TMPRSS11F: variants seen among roughly 807,000 people sequenced by gnomAD.
The protein encoded by TMPRSS11F is transmembrane serine protease 11F, also known as transmembrane protease serine 11F.
In TMPRSS11F, 47 loss-of-function variants were observed where a neutral mutation model predicts 60.2. The ratio of observed to expected loss-of-function variants is 0.78; its 90% CI spans 0.62 to 1.00. The LOEUF (loss-of-function observed/expected upper bound fraction) is 1.00. TMPRSS11F is among the 50% of genes least tolerant of loss of function. The probability of loss-of-function intolerance (pLI) is 0.00; values close to 1 mark genes in which losing one functional copy is unlikely to be tolerated. For synonymous variants in TMPRSS11F, 166 were observed against 167.3 expected, an observed-to-expected ratio of 0.99 and a Z score of 0.06; for missense variants, 519 against 522.9, an observed-to-expected ratio of 0.99 and a Z score of 0.07.
intron 1 of TMPRSS11F, among the ~76,000 whole-genome samples, chr4:68,099,630 G>A (rs1724148070): frequency 6.6e-6 from 1 of 151,922 alleles, no homozygotes; most frequent in Non-Finnish European, 1.5e-5. Flanking sequence ...TTACTTTATT[G>A]TCTAAATTCT....
At chr4:68,101,894 T>A (rs1259633248) in intron 1 of TMPRSS11F, among the ~76,000 whole-genome samples, 1 of 152,098 alleles carries the variant, frequency 6.6e-6, no homozygotes, top group Non-Finnish European at 1.5e-5. Flanking sequence ...AGAATACAAT[T>A]TTATTACCTA....
chr4:68,090,011 C>T (rs1723891003), intron 3 of TMPRSS11F, among the ~76,000 whole-genome samples: 1 of 152,050 alleles, frequency 6.6e-6, no homozygotes. Flanking sequence ...GGAGATGGCT[C>T]ACCCAATATA....
chr4:68,097,642 T>G (rs74769144), intron 2 of TMPRSS11F, among the ~76,000 whole-genome samples: 1 of 152,178 alleles, frequency 6.6e-6, no homozygotes, highest in Admixed American at 6.6e-5. Flanking sequence ...ATTCAGCCTA[T>G]GACAACCTCT....
At chr4:68,122,583 A>G (rs376435792) in intron 1 of TMPRSS11F, among the ~76,000 whole-genome samples, 3 of 152,330 alleles carry the variant, frequency 2.0e-5, no homozygotes, top group South Asian at 4.1e-4. Flanking sequence ...TGCAATTCTA[A>G]TAGGTAGATT....
intron 5 of TMPRSS11F, among the ~76,000 whole-genome samples, chr4:68,070,479 C>A (rs1193289695): frequency 6.6e-6 from 1 of 152,124 alleles, no homozygotes; most frequent in Non-Finnish European, 1.5e-5. Context: ...AATTTCAAGG[C>A]CCTGATCTAA....
At position 68,064,908 on chromosome 4, in the gene TMPRSS11F, A is replaced by C. The variant is rs1356830253; in HGVS notation, c.792T>G (p.Gly264=). 1 of 1,613,946 alleles carries C rather than the reference A, an allele frequency of 6.2e-7. No homozygotes were observed. The highest frequency in any genetic ancestry group is 1.1e-5 in the South Asian group (1 of 91,038). The part of the protein sequence containing the change: ...KDPTQWIATF[G]ATITPPAVKR... ...TCACTGCGGGTGGTGTTATAGTTGCACCAAAAGTAGCAATCCATTGAGTTG... is the reference window on the plus strand; with the variant it reads ...TCACTGCGGGTGGTGTTATAGTTGCCCCAAAAGTAGCAATCCATTGAGTTG... The change falls in exon 8 of 10, where the codon GGT becomes GGG. Residue 264 remains glycine, a synonymous_variant. Coordinates refer to ENST00000356291, the MANE Select transcript of TMPRSS11F (RefSeq NM_207407.2).
intron 1 of TMPRSS11F, among the ~76,000 whole-genome samples, chr4:68,115,993 CCT>C (rs1341928869): frequency 1.3e-5 from 2 of 151,904 alleles, no homozygotes; most frequent in African/African-American, 4.8e-5. Flanking sequence ...AAATGTGAGT[CCT>C]TCAGCTTTTT....
chr4:68,060,304 G>A (rs1723135321), intron 8 of TMPRSS11F, among the ~76,000 whole-genome samples: 1 of 149,704 alleles, frequency 6.7e-6, no homozygotes, highest in African/African-American at 2.5e-5. Context: ...TCAGGAGATC[G>A]AGACCATCCT....
Position 68,114,690 on chromosome 4 carries a change from C to T in TMPRSS11F, c.11+15120G>A, listed in dbSNP as rs188827393. Among the ~76,000 whole-genome samples the T allele has an allele frequency of 9.5e-4, 143 of 150,066 alleles. 1 individual carries two copies. The highest frequency in any genetic ancestry group is 3.3e-3 in the African/African-American group (135 of 40,878). On this transcript the variant is annotated intron_variant, in intron 1 of 9. Transcript: ENST00000356291. ...AACCAAAGACATTATTTTTAAAAAT[C>T]GGACAAGTTAGAGTTTCCCAAAGGG...
intron 1 of TMPRSS11F, among the ~76,000 whole-genome samples, chr4:68,127,027 C>T (rs1030270289): frequency 1.3e-5 from 2 of 152,200 alleles, no homozygotes; most frequent in African/African-American, 2.4e-5. Context: ...CACTGGTCCA[C>T]TCCAATGGTT....
intron 1 of TMPRSS11F, among the ~76,000 whole-genome samples, chr4:68,117,862 A>G (rs988711185): frequency 1.3e-5 from 2 of 152,240 alleles, no homozygotes; most frequent in African/African-American, 4.8e-5. Context: ...AGGGCTATTC[A>G]AAAATGGACA....
In TMPRSS11F at chr4:68,053,708, C is replaced by CT; in HGVS notation, c.*200dup. 1 of 450,442 alleles carries CT rather than the reference C, an allele frequency of 2.2e-6. No individual in the cohort carries two copies. The highest frequency in any genetic ancestry group is 3.9e-6 in the Non-Finnish European group (1 of 255,728). The allele number at this position is 450,442 out of a possible 1,614,324, so 27.9% of individuals were successfully genotyped here. A position where few individuals can be genotyped will look rare whatever the true frequency, so the allele number is the denominator to read the frequency against. On this transcript the variant is annotated 3_prime_UTR_variant, in exon 10 of 10. Coordinates refer to ENST00000356291, the MANE Select transcript of TMPRSS11F (RefSeq NM_207407.2). ...AGGAATAGGTGCTGTCTGTCATTTG[C>CT]TGTGTCTTCTTCCCTCATGGTAGAG...
At chr4:68,128,162 G>A (rs1724750700) in intron 1 of TMPRSS11F, among the ~76,000 whole-genome samples, 1 of 151,932 alleles carries the variant, frequency 6.6e-6, no homozygotes, top group East Asian at 1.9e-4. Context: ...AGATCCCTTG[G>A]GCAAAATACC....
At chr4:68,080,508 C>T (rs1280888117) in intron 3 of TMPRSS11F, 1 of 152,338 alleles carries the variant, frequency 6.6e-6, no homozygotes, top group South Asian at 2.1e-4. Flanking sequence ...GACCTGAGCA[C>T]CTTGTTTAGT....
chr4:68,124,794 C>A (rs1012842849), intron 1 of TMPRSS11F, among the ~76,000 whole-genome samples: 3 of 151,910 alleles, frequency 2.0e-5, no homozygotes, highest in African/African-American at 7.3e-5. Context: ...ACAATAGTAT[C>A]TAGACACACC....
chr4:68,113,965 T>C (rs1363576871), intron 1 of TMPRSS11F, among the ~76,000 whole-genome samples: 1 of 152,166 alleles, frequency 6.6e-6, no homozygotes. Context: ...CACAAGTTAA[T>C]AACAGAAAGA....
chr4:68,072,554 T>C, intron 4 of TMPRSS11F, 68 bp from the exon 5 acceptor site: 2 of 1,259,690 alleles, frequency 1.6e-6, no homozygotes, highest in South Asian at 2.4e-5. Context: ...TTATTAGGAC[T>C]CACATTAAAC....
At chr4:68,068,878 G>T in intron 6 of TMPRSS11F, 59 bp from the exon 7 acceptor site, 1 of 1,564,192 alleles carries the variant, frequency 6.4e-7, no homozygotes, top group Non-Finnish European at 8.8e-7. Context: ...AGTATATTCT[G>T]ATTTGCTTTG....
At chr4:68,078,969 A>C (rs1384271896) in intron 3 of TMPRSS11F, among the ~76,000 whole-genome samples, 1 of 151,692 alleles carries the variant, frequency 6.6e-6, no homozygotes, top group Non-Finnish European at 1.5e-5. Flanking sequence ...ATTATATTAG[A>C]GTATAAGAAA....
Sources: allele counts gnomAD v4.1 joint callset (sites outside exome capture counted in the v4.1 genomes callset), GRCh38; gene constraint gnomAD v4.1.1; transcripts MANE v1.5; gene names NCBI Gene and HGNC (gene_info 2026-07-23, HGNC 2026-07-21).